The following ALCAM variants were observed in gnomAD, a reference collection of about 807,000 sequenced individuals.
ALCAM encodes CD166 antigen.
Under a neutral mutation model 70.9 loss-of-function variants are expected in ALCAM, and 30 were observed. That is an observed-to-expected ratio of 0.42 (90% CI 0.32 to 0.57). The LOEUF is 0.57. Ranked by LOEUF, ALCAM falls within the 20% of genes least tolerant of loss-of-function variation. The pLI, the probability that ALCAM is intolerant of heterozygous loss-of-function variation, is 0.11. For missense variants in ALCAM, 591 were observed against 695.1 expected (o/e 0.85, Z 1.68); for synonymous variants, 249 against 242.5 (o/e 1.03, Z -0.25).
intron 4 of ALCAM, among the ~76,000 whole-genome samples, 178 bp from the exon 5 acceptor site, chr3:105,533,425 G>A (rs564200245): frequency 1.3e-5 from 2 of 152,212 alleles, no homozygotes; most frequent in South Asian, 2.1e-4. Context: ...TGTTAAAAAG[G>A]TCTTAAAAAG....
At chr3:105,500,831 A>T (rs1463513057) in intron 1 of ALCAM, among the ~76,000 whole-genome samples, 1 of 152,180 alleles carries the variant, frequency 6.6e-6, no homozygotes, top group Non-Finnish European at 1.5e-5. Flanking sequence ...ATTTCCTTAT[A>T]AAAGGGCAAT....
intron 1 of ALCAM, among the ~76,000 whole-genome samples, chr3:105,412,062 G>A (rs1285616079): frequency 6.6e-6 from 1 of 152,000 alleles, no homozygotes; most frequent in Non-Finnish European, 1.5e-5. Context: ...TTCCCCTAGA[G>A]GCATTTAATG....
chr3:105,539,886 A>G (rs1348674917), intron 6 of ALCAM, 89 bp from the exon 7 acceptor site: 5 of 1,357,334 alleles, frequency 3.7e-6, no homozygotes, highest in Non-Finnish European at 4.0e-6. Context: ...TCTTGAGAAA[A>G]TTATGTATAA....
chr3:105,466,641 C>T (rs1001429248), intron 1 of ALCAM, among the ~76,000 whole-genome samples: 3 of 151,208 alleles, frequency 2.0e-5, no homozygotes, highest in African/African-American at 4.8e-5. Context: ...CTCTGGTATC[C>T]CTGAGACATG....
At chr3:105,393,743 G>C (rs1935880662) in intron 1 of ALCAM, among the ~76,000 whole-genome samples, 1 of 151,860 alleles carries the variant, frequency 6.6e-6, no homozygotes. Flanking sequence ...TATACTACAT[G>C]AATGAAATAC....
intron 3 of ALCAM, chr3:105,524,887 A>G (rs1293149438): frequency 3.0e-6 from 3 of 990,518 alleles, no homozygotes; most frequent in Admixed American, 1.2e-4. Context: ...TCACGCATAC[A>G]TATACATGTA....
At chr3:105,429,823 A>G (rs1936882035) in intron 1 of ALCAM, among the ~76,000 whole-genome samples, 2 of 152,010 alleles carry the variant, frequency 1.3e-5, no homozygotes. Context: ...GTACTGTTTT[A>G]TTATTGATCT....
Position 105,367,392 on chromosome 3 carries a change from C to A in ALCAM, c.-17C>A. 3 of 1,613,498 alleles carry A rather than the reference C, an allele frequency of 1.9e-6. No homozygotes were observed. Among genetic ancestry groups the A allele is most frequent in the Non-Finnish European group, 2.5e-6 (3 of 1,179,608 alleles). ...GGCGTGGACTCCGTCAGTGGCCCACCAAGAAGGAGGAGGAATATGGAATCC... is the reference window on the plus strand; with the variant it reads ...GGCGTGGACTCCGTCAGTGGCCCACAAAGAAGGAGGAGGAATATGGAATCC... On this transcript the variant is annotated 5_prime_UTR_variant, in exon 1 of 16. Transcript: ENST00000306107.
chr3:105,436,422 A>G (rs963491854), intron 1 of ALCAM, among the ~76,000 whole-genome samples: 6 of 152,002 alleles, frequency 3.9e-5, no homozygotes, highest in Non-Finnish European at 5.9e-5. Flanking sequence ...GGCTCACCAC[A>G]AGCTCTGCCA....
chr3:105,433,728 A>G (rs969183763), intron 1 of ALCAM, among the ~76,000 whole-genome samples: 20 of 149,826 alleles, frequency 1.3e-4, no homozygotes, highest in African/African-American at 4.9e-4. Flanking sequence ...TTGTCCCACC[A>G]AGGGGGATAT....
chr3:105,483,957 T>G (rs150122508), intron 1 of ALCAM, among the ~76,000 whole-genome samples: 38 of 152,256 alleles, frequency 2.5e-4, no homozygotes, highest in African/African-American at 8.4e-4. Context: ...AACTTACCTG[T>G]TCTTAGACAA....
At chr3:105,436,539 G>C (rs1255003035) in intron 1 of ALCAM, among the ~76,000 whole-genome samples, 1 of 151,912 alleles carries the variant, frequency 6.6e-6, no homozygotes, top group Non-Finnish European at 1.5e-5. Context: ...GTATTAGCCA[G>C]GATGGTCTTG....
At chr3:105,407,245 TAAC>T (rs1266336006) in intron 1 of ALCAM, among the ~76,000 whole-genome samples, 1 of 133,594 alleles carries the variant, frequency 7.5e-6, no homozygotes, top group African/African-American at 2.8e-5. Context: ...GAGAAGGACA[TAAC>T]AACAACAGCA....
intron 1 of ALCAM, among the ~76,000 whole-genome samples, chr3:105,452,498 G>T (rs1040185507): frequency 1.3e-5 from 2 of 152,076 alleles, no homozygotes; most frequent in African/African-American, 4.8e-5. Flanking sequence ...TGTTGGTTTT[G>T]TGTCTTTATG....
chr3:105,497,644 G>A (rs1040313725), intron 1 of ALCAM, among the ~76,000 whole-genome samples: 6 of 152,084 alleles, frequency 3.9e-5, no homozygotes, highest in African/African-American at 1.2e-4. Context: ...GCATTCATAC[G>A]TGGAAGATTA....
chr3:105,517,158 C>T (rs184695917), intron 1 of ALCAM, among the ~76,000 whole-genome samples: 199 of 152,062 alleles, frequency 1.3e-3, no homozygotes, highest in African/African-American at 3.0e-3. Context: ...CTAGGGGGCG[C>T]GAGATGTTAG....
intron 14 of ALCAM, among the ~76,000 whole-genome samples, chr3:105,568,625 C>T (rs368020179): frequency 3.9e-5 from 6 of 152,150 alleles, no homozygotes; most frequent in Non-Finnish European, 7.3e-5. Context: ...ATAGTGTATA[C>T]GCAAATTTGG....
rs144179097 is a variant in ALCAM, at chr3:105,386,617, G to A, written c.73+19136G>A. ...ATTATACCACCATAAATTAGACCCT[G>A]CTTCCTGACAGTCTAGACTTGGGCT... On this transcript the variant is annotated intron_variant, in intron 1 of 15. Transcript: ENST00000306107. 8.4e-3 allele frequency among the ~76,000 whole-genome samples: 1,265 copies of A among 151,088 alleles called. 17 individuals carry two copies. Among genetic ancestry groups the A allele is most frequent in the African/African-American group, 0.029 (1,178 of 41,256 alleles).
At chr3:105,478,520 C>G (rs762896818) in intron 1 of ALCAM, among the ~76,000 whole-genome samples, 1 of 152,142 alleles carries the variant, frequency 6.6e-6, no homozygotes, top group East Asian at 1.9e-4. Context: ...GCAGTCCATA[C>G]ACATACGCAA....
Sources: gnomAD v4.1 joint callset for allele counts (sites outside exome capture counted in the v4.1 genomes callset) on GRCh38, gnomAD v4.1.1 for gene constraint, MANE v1.5 for transcripts, NCBI Gene and HGNC (gene_info 2026-07-23, HGNC 2026-07-21) for gene names.